Variants in SULT1E1 observed in about 807,000 individuals in gnomAD.
SULT1E1 encodes sulfotransferase 1E1.
Under a neutral mutation model 33.6 loss-of-function variants are expected in SULT1E1, and 36 were observed. That is an observed-to-expected ratio of 1.07 (90% CI 0.82 to 1.41). The LOEUF (loss-of-function observed/expected upper bound fraction) is 1.41, where lower values mean the gene tolerates loss of function less well. Among genes scored for constraint, SULT1E1 ranks in the 40% most tolerant of loss-of-function variants. The pLI, the probability that SULT1E1 is intolerant of heterozygous loss-of-function variation, is 0.00. For synonymous variants in SULT1E1, 121 were observed against 111.7 expected (o/e 1.08, Z -0.53); for missense variants, 371 against 345.7 (o/e 1.07, Z -0.58).
intron 4 of SULT1E1, 34 bp from the exon 5 acceptor site, chr4:69,849,597 A>G: frequency 6.5e-7 from 1 of 1,533,444 alleles, no homozygotes; most frequent in Non-Finnish European, 8.8e-7. Flanking sequence ...AAACCACTTA[A>G]CATTTTTTTC....
chr4:69,850,144 C>T (rs1044588302), intron 4 of SULT1E1, among the ~76,000 whole-genome samples: 4 of 152,104 alleles, frequency 2.6e-5, no homozygotes, highest in African/African-American at 9.6e-5. Flanking sequence ...AGAAGAAATA[C>T]CAATGAATTA....
At chr4:69,837,251 C>G (rs1466463841), downstream of SULT1E1, among the ~76,000 whole-genome samples, 1 of 152,014 alleles carries the variant, frequency 6.6e-6, no homozygotes, top group African/African-American at 2.4e-5. Context: ...ATGTCATTAT[C>G]ATTAAAATGG....
At chr4:69,828,419 C>A in the SULT1E1 span, among the ~76,000 whole-genome samples, 2 of 152,116 alleles carry the variant, frequency 1.3e-5, no homozygotes, top group African/African-American at 2.4e-5. Context: ...ACAAACAACT[C>A]TGGACATGCC....
chr4:69,837,592 A>G (rs1720814976), downstream of SULT1E1, among the ~76,000 whole-genome samples: 1 of 152,182 alleles, frequency 6.6e-6, no homozygotes, highest in Non-Finnish European at 1.5e-5. Flanking sequence ...GAAAATTTAA[A>G]AACTTTGCCA....
At chr4:69,849,240 G>T in intron 5 of SULT1E1, 197 bp downstream of exon 5, 1 of 409,024 alleles carries the variant, frequency 2.4e-6, no homozygotes, top group Non-Finnish European at 4.4e-6. Flanking sequence ...GGACCAGAGT[G>T]CTCAGATTCT....
Position 69,855,321 on chromosome 4 carries a change from C to G in SULT1E1, c.251G>C (p.Arg84Thr). The change falls in exon 3 of 8, where the codon AGA becomes ACA. Residue 84 changes from arginine (R) to threonine (T), a missense_variant. Physicochemically the swap from Arg to Thr is moderately conservative, Grantham distance 71. Transcript: ENST00000226444. The part of the protein sequence containing the change: ...IFNRIPFLEC[R>T]KENLMNGVKQ... ...GTTACCATTCATGAGGTTTTCTTTT[C>G]TGCATTCCAGGAAAGGTATTCGATT... is the stretch of plus-strand genomic sequence containing the variant. 1 of 1,612,562 alleles carries G rather than the reference C, an allele frequency of 6.2e-7. No individual in the cohort carries two copies. Among genetic ancestry groups the G allele is most frequent in the South Asian group, 1.1e-5 (1 of 90,978 alleles).
At chr4:69,844,521 A>C (rs1437701431) in intron 6 of SULT1E1, among the ~76,000 whole-genome samples, 180 bp from the exon 7 acceptor site, 1 of 152,188 alleles carries the variant, frequency 6.6e-6, no homozygotes, top group Non-Finnish European at 1.5e-5. Flanking sequence ...TTCCTCATCC[A>C]TAAAATGCTT....
intron 2 of SULT1E1, among the ~76,000 whole-genome samples, chr4:69,857,186 TACG>T (rs1268670348): frequency 6.6e-6 from 1 of 152,154 alleles, no homozygotes; most frequent in Non-Finnish European, 1.5e-5. Context: ...ACGCTGTATA[TACG>T]ACAACATTAA....
chr4:69,825,681 G>A, the SULT1E1 span, among the ~76,000 whole-genome samples: 23 of 152,124 alleles, frequency 1.5e-4, no homozygotes, highest in African/African-American at 5.3e-4. Context: ...AGTGTCAATA[G>A]AGAGGAAAGC....
At chr4:69,856,245 G>T (rs1454838578) in intron 2 of SULT1E1, among the ~76,000 whole-genome samples, 1 of 152,118 alleles carries the variant, frequency 6.6e-6, no homozygotes, top group Non-Finnish European at 1.5e-5. Context: ...GAGGAGTTGG[G>T]GCTCAGGCAA....
rs527625140 is a variant in SULT1E1, at chr4:69,844,016, T to C, written c.772+145A>G. On this transcript the variant is annotated intron_variant, in intron 7 of 7. Coordinates refer to ENST00000226444, the MANE Select transcript of SULT1E1 (RefSeq NM_005420.3). ...AATTGCAATGTAATAGAAGTGTAAC[T>C]TAAAGAGTGTATTCAAATATGAAAG... 5.1e-4 allele frequency: 357 copies of C among 704,300 alleles called. 5 individuals carry two copies. The South Asian group carries it at 5.9e-3, about 12-fold the overall frequency. The allele number at this position is 704,300 out of a possible 1,614,324, so 43.6% of individuals were successfully genotyped here.
chr4:69,824,361 T>G, the SULT1E1 span, among the ~76,000 whole-genome samples: 2 of 152,254 alleles, frequency 1.3e-5, no homozygotes, highest in South Asian at 2.1e-4. Flanking sequence ...CTCATGGACA[T>G]AGAAAAAGAA....
chr4:69,835,829 T>C, the SULT1E1 span, among the ~76,000 whole-genome samples: 1 of 152,162 alleles, frequency 6.6e-6, no homozygotes, highest in African/African-American at 2.4e-5. Flanking sequence ...TGGGTTGTTT[T>C]GTAGAAACTA....
intron 7 of SULT1E1, among the ~76,000 whole-genome samples, chr4:69,843,220 C>T (rs1197076436): frequency 6.6e-6 from 1 of 152,020 alleles, no homozygotes; most frequent in Non-Finnish European, 1.5e-5. Flanking sequence ...AACCCAAAAA[C>T]CAGAAGACAG....
chr4:69,832,032 C>A, the SULT1E1 span, among the ~76,000 whole-genome samples: 1 of 152,208 alleles, frequency 6.6e-6, no homozygotes, highest in Non-Finnish European at 1.5e-5. Context: ...AATTGCAGAG[C>A]CACTCTCACC....
intron 4 of SULT1E1, among the ~76,000 whole-genome samples, chr4:69,853,536 T>C (rs1235839051): frequency 6.6e-6 from 1 of 152,172 alleles, no homozygotes; most frequent in East Asian, 1.9e-4. Flanking sequence ...ATCATTCAAA[T>C]ATCAGCTGAG....
At chr4:69,852,251 G>A (rs1721139896) in intron 4 of SULT1E1, among the ~76,000 whole-genome samples, 2 of 152,048 alleles carry the variant, frequency 1.3e-5, no homozygotes, top group African/African-American at 4.8e-5. Context: ...CCTGCCTCAT[G>A]GTTTCACTCT....
At chr4:69,821,525 T>C in the SULT1E1 span, among the ~76,000 whole-genome samples, 1 of 152,198 alleles carries the variant, frequency 6.6e-6, no homozygotes, top group Non-Finnish European at 1.5e-5. Context: ...TGAATATCCT[T>C]TGCTTTTCTT....
chr4:69,844,800 T>A (rs1192367350), intron 6 of SULT1E1, among the ~76,000 whole-genome samples: 2 of 152,104 alleles, frequency 1.3e-5, no homozygotes, highest in East Asian at 3.8e-4. Context: ...ATACTCACAA[T>A]GCAACATCAG....
Sources: allele counts gnomAD v4.1 joint callset (sites outside exome capture counted in the v4.1 genomes callset), GRCh38; gene constraint gnomAD v4.1.1; transcripts MANE v1.5; gene names NCBI Gene and HGNC (gene_info 2026-07-23, HGNC 2026-07-21).